ANKRD55: variants seen among roughly 807,000 people sequenced by gnomAD.
ANKRD55 encodes ankyrin repeat domain 55.
In ANKRD55, 41 loss-of-function variants were observed where a neutral mutation model predicts 60.6. That is an observed-to-expected ratio of 0.68 (90% confidence interval 0.53 to 0.88). The LOEUF is 0.88. Ranked by LOEUF, ANKRD55 falls within the 40% of genes least tolerant of loss-of-function variation. The pLI, the probability that ANKRD55 is intolerant of heterozygous loss-of-function variation, is 0.00. For synonymous variants in ANKRD55, 264 were observed against 290.3 expected, an observed-to-expected ratio of 0.91 and a Z score of 0.92; for missense variants, 732 against 767.6, an observed-to-expected ratio of 0.95 and a Z score of 0.55.
chr5:56,221,606 C>A (rs1321468591), intron 2 of ANKRD55, among the ~76,000 whole-genome samples: 1 of 152,200 alleles, frequency 6.6e-6, no homozygotes, highest in Non-Finnish European at 1.5e-5. Context: ...CCAAGGGAAG[C>A]AGTGACAGAT....
chr5:56,134,553 T>C (rs912203519), intron 7 of ANKRD55, among the ~76,000 whole-genome samples: 6 of 114,732 alleles, frequency 5.2e-5, no homozygotes, highest in African/African-American at 1.8e-4. Flanking sequence ...CACTCCAGCC[T>C]GGGTGACAGA....
chr5:56,211,781 G>C (rs1759680157), intron 2 of ANKRD55, among the ~76,000 whole-genome samples: 1 of 152,124 alleles, frequency 6.6e-6, no homozygotes, highest in Non-Finnish European at 1.5e-5. Flanking sequence ...CATTGTGCTA[G>C]AGTTTATACT....
intron 7 of ANKRD55, among the ~76,000 whole-genome samples, chr5:56,130,380 A>T (rs1757377213): frequency 6.6e-6 from 1 of 152,294 alleles, no homozygotes; most frequent in Non-Finnish European, 1.5e-5. Flanking sequence ...AGCCCACTCT[A>T]GCTATCCTGT....
At chr5:56,103,286 C>G (rs1756344917) in intron 10 of ANKRD55, among the ~76,000 whole-genome samples, 1 of 152,212 alleles carries the variant, frequency 6.6e-6, no homozygotes, top group Admixed American at 6.5e-5. Flanking sequence ...TGTTTGACAT[C>G]ACACTAGTGT....
At chr5:56,221,666 C>A (rs1403227928) in intron 2 of ANKRD55, among the ~76,000 whole-genome samples, 1 of 152,242 alleles carries the variant, frequency 6.6e-6, no homozygotes, top group African/African-American at 2.4e-5. Flanking sequence ...GCTTTTCCAA[C>A]CATCTTAGCA....
chr5:56,199,300 C>T (rs1337817803), intron 2 of ANKRD55, among the ~76,000 whole-genome samples: 2 of 152,000 alleles, frequency 1.3e-5, no homozygotes, highest in East Asian at 3.9e-4. Flanking sequence ...CTTTGCAGGG[C>T]CCGGCAAATT....
chr5:56,150,594 C>T (rs936346547), intron 6 of ANKRD55, among the ~76,000 whole-genome samples: 5 of 151,326 alleles, frequency 3.3e-5, no homozygotes, highest in African/African-American at 7.3e-5. Context: ...AGTGAGACCC[C>T]GTCTCAATAA....
At chr5:56,190,959 T>C (rs1301550435) in intron 2 of ANKRD55, among the ~76,000 whole-genome samples, 1 of 152,238 alleles carries the variant, frequency 6.6e-6, no homozygotes, top group Non-Finnish European at 1.5e-5. Context: ...ATTCAAGTCA[T>C]AGCAACTATT....
At chr5:56,127,685 C>T (rs1043195610) in intron 7 of ANKRD55, 1 of 507,388 alleles carries the variant, frequency 2.0e-6, no homozygotes. Flanking sequence ...TATCAGACTT[C>T]GTTTACAAAA....
chr5:56,149,507 A>T (rs1255431161), intron 6 of ANKRD55, among the ~76,000 whole-genome samples: 1 of 152,238 alleles, frequency 6.6e-6, no homozygotes, highest in Non-Finnish European at 1.5e-5. Flanking sequence ...AGCCTTCAGA[A>T]TAGAAGCCTA....
At chr5:56,159,286 A>C (rs1758266720) in intron 6 of ANKRD55, among the ~76,000 whole-genome samples, 1 of 152,114 alleles carries the variant, frequency 6.6e-6, no homozygotes, top group African/African-American at 2.4e-5. Context: ...ACACGGAGAA[A>C]CCCCATCTCT....
At chr5:56,198,141 T>G (rs1250983558) in intron 2 of ANKRD55, among the ~76,000 whole-genome samples, 2 of 152,224 alleles carry the variant, frequency 1.3e-5, no homozygotes, top group African/African-American at 4.8e-5. Flanking sequence ...CTAAAATTTT[T>G]ATTACTTAAT....
At chr5:56,157,824 G>A (rs1432525393) in intron 6 of ANKRD55, among the ~76,000 whole-genome samples, 3 of 152,126 alleles carry the variant, frequency 2.0e-5, no homozygotes, top group Non-Finnish European at 2.9e-5. Context: ...GAGCCGGCGC[G>A]CGTCCTCCTT....
chr5:56,217,303 AT>A, intron 2 of ANKRD55, among the ~76,000 whole-genome samples: 1 of 152,358 alleles, frequency 6.6e-6, no homozygotes, highest in East Asian at 1.9e-4. Flanking sequence ...GAGCAGTAAT[AT>A]TTTGAAATGA....
intron 2 of ANKRD55, among the ~76,000 whole-genome samples, chr5:56,220,069 T>A (rs1759922554): frequency 6.6e-6 from 1 of 152,182 alleles, no homozygotes; most frequent in African/African-American, 2.4e-5. Context: ...CTGAAGCTGA[T>A]CCAATGAGTT....
At chr5:56,216,862 G>A (rs1341019055) in intron 2 of ANKRD55, among the ~76,000 whole-genome samples, 1 of 152,260 alleles carries the variant, frequency 6.6e-6, no homozygotes, top group Admixed American at 6.5e-5. Context: ...AGCAAGTGCT[G>A]TTGGAGAAGC....
intron 2 of ANKRD55, among the ~76,000 whole-genome samples, chr5:56,189,397 G>A (rs1759042619): frequency 6.6e-6 from 1 of 151,034 alleles, no homozygotes; most frequent in Admixed American, 6.6e-5. Context: ...ATTGCATTAT[G>A]TCCATTCACA....
intron 7 of ANKRD55, 157 bp downstream of exon 7, chr5:56,143,644 A>T: frequency 1.0e-6 from 1 of 977,384 alleles, no homozygotes; most frequent in Non-Finnish European, 1.5e-6. Flanking sequence ...TTTTATAACT[A>T]CTCCCCTTTG....
chr5:56,123,800 T>G (rs1490730002), intron 8 of ANKRD55, among the ~76,000 whole-genome samples: 1 of 152,150 alleles, frequency 6.6e-6, no homozygotes, highest in Admixed American at 6.5e-5. Context: ...TAATCTCTAA[T>G]ATACTCATGT....
Sources: gnomAD v4.1 joint callset for allele counts (sites outside exome capture counted in the v4.1 genomes callset) on GRCh38, gnomAD v4.1.1 for gene constraint, MANE v1.5 for transcripts, NCBI Gene and HGNC (gene_info 2026-07-23, HGNC 2026-07-21) for gene names.